Variants in TMC2 observed in about 807,000 individuals in gnomAD.
TMC2 encodes the protein transmembrane channel like 2.
Under a neutral mutation model 105.9 loss-of-function variants are expected in TMC2, and 102 were observed. The observed-to-expected ratio is 0.96, with a 90% CI of 0.82 to 1.14. The LOEUF is 1.14. Among genes scored for constraint, TMC2 ranks in the 50% most tolerant of loss-of-function variants. TMC2 has a pLI of 0.00. For missense variants in TMC2, 1,093 were observed against 1,134.3 expected, an observed-to-expected ratio of 0.96 and a Z score of 0.52; for synonymous variants, 402 against 422.8, an observed-to-expected ratio of 0.95 and a Z score of 0.60.
At chr20:2,580,439 G>T (rs1256152110) in intron 7 of TMC2, among the ~76,000 whole-genome samples, 1 of 152,032 alleles carries the variant, frequency 6.6e-6, no homozygotes, top group African/African-American at 2.4e-5. Flanking sequence ...TTTACCTTAA[G>T]ATCAGTGGAG....
At chr20:2,636,471 C>CAA (rs2086644564) in intron 18 of TMC2, among the ~76,000 whole-genome samples, 1 of 151,160 alleles carries the variant, frequency 6.6e-6, no homozygotes, top group Non-Finnish European at 1.5e-5. Context: ...CACACACACA[C>CAA]ACACACACAC....
chr20:2,583,269 G>A (rs575785793), intron 7 of TMC2, among the ~76,000 whole-genome samples: 19 of 152,278 alleles, frequency 1.2e-4, no homozygotes, highest in African/African-American at 4.6e-4. Context: ...GAATGGTTAG[G>A]TTATGAAAGA....
chr20:2,596,027 C>G (rs1259383886), intron 9 of TMC2, among the ~76,000 whole-genome samples: 1 of 152,144 alleles, frequency 6.6e-6, no homozygotes, highest in Non-Finnish European at 1.5e-5. Flanking sequence ...TTTCCCTGCT[C>G]TCACCCCAGA....
intron 4 of TMC2, among the ~76,000 whole-genome samples, chr20:2,569,639 C>A (rs1197255059): frequency 6.6e-6 from 1 of 152,144 alleles, no homozygotes; most frequent in Non-Finnish European, 1.5e-5. Flanking sequence ...ATTGCTATTG[C>A]AACAAATTAC....
At position 2,610,611 on chromosome 20, in the gene TMC2, A is replaced by T; in HGVS notation, c.1593+13A>T. The T allele has an allele frequency of 6.5e-7, 1 of 1,549,632 alleles. No homozygotes were observed. Among genetic ancestry groups the T allele is most frequent in the Non-Finnish European group, 8.8e-7 (1 of 1,141,744 alleles). On this transcript the variant is annotated intron_variant, in intron 12 of 19. Transcript: ENST00000358864. The stretch of plus-strand genomic sequence containing the variant: ...CGTCCACCTCAAGGTAAAAACCACA[A>T]CACCCCCCACCCCACTGCAATTCCT...
Position 2,558,913 on chromosome 20 carries a change from C to T in TMC2, c.401+139C>T, listed in dbSNP as rs1210083236. 1 of 843,446 alleles carries T rather than the reference C, an allele frequency of 1.2e-6. No individual in the cohort carries two copies. The highest frequency in any genetic ancestry group is 1.7e-5 in the African/African-American group (1 of 57,938). The allele number at this position is 843,446 out of a possible 1,614,324, so 52.2% of individuals were successfully genotyped here. ...TGCCCTCGCTCTGGCTTCCGTGCCT[C>T]CCAGCCCTTACCACTGCCCCACTCT... On this transcript the variant is annotated intron_variant, in intron 3 of 19. Coordinates refer to ENST00000358864, the MANE Select transcript of TMC2 (RefSeq NM_080751.3). This position sits in a 1 kb window ranked among gnomAD's most constrained non-coding sequence, Gnocchi z 4.6.
chr20:2,599,840 C>T (rs929662572), intron 10 of TMC2, among the ~76,000 whole-genome samples: 7 of 152,192 alleles, frequency 4.6e-5, no homozygotes, highest in East Asian at 1.9e-4. Context: ...ACTACAACTG[C>T]GCTTCGTTCT....
rs771415457 is a variant in TMC2 at position 2,602,223 on chromosome 20, G to T, written c.1335G>T (p.Gly445=). 8.1e-6 allele frequency: 13 copies of T among 1,613,534 alleles called. 1 individual carries two copies. The South Asian group carries it at 1.4e-4, about 18-fold the overall frequency. Residue 445 remains glycine, a synonymous_variant, in exon 11 of 20, where the codon GGG becomes GGT. Coordinates refer to ENST00000358864, the MANE Select transcript of TMC2 (RefSeq NM_080751.3). ...FLIICCLCGS[G]YLIYFVVKRS... ...TCATCTGCTGTTTGTGTGGAAGTGG[G>T]TACCTCATTTACTTTGTGGTTAAGC...
intron 7 of TMC2, among the ~76,000 whole-genome samples, chr20:2,590,070 C>T (rs912835407): frequency 9.9e-5 from 15 of 152,146 alleles, no homozygotes; most frequent in African/African-American, 2.4e-4. Flanking sequence ...TGCAATATTA[C>T]GTAACAGTGA....
At chr20:2,560,154 C>T (rs1048572663) in intron 3 of TMC2, among the ~76,000 whole-genome samples, 1 of 151,982 alleles carries the variant, frequency 6.6e-6, no homozygotes, top group Non-Finnish European at 1.5e-5. Flanking sequence ...CTTTGAATAA[C>T]AGGTGGAATC....
intron 10 of TMC2, among the ~76,000 whole-genome samples, chr20:2,599,432 A>G (rs2086333793): frequency 6.6e-6 from 1 of 152,060 alleles, no homozygotes; most frequent in South Asian, 2.1e-4. Context: ...GCTGGGAAGC[A>G]AATGAATGAA....
intron 5 of TMC2, among the ~76,000 whole-genome samples, chr20:2,574,201 AT>A (rs1316625538): frequency 6.6e-6 from 1 of 151,632 alleles, no homozygotes; most frequent in East Asian, 1.9e-4. Flanking sequence ...TATGTTATTA[AT>A]TTTTTTTTAT....
intron 4 of TMC2, among the ~76,000 whole-genome samples, chr20:2,566,487 G>T (rs2086065347): frequency 6.6e-6 from 1 of 152,114 alleles, no homozygotes; most frequent in African/African-American, 2.4e-5. Context: ...AGGGATATTT[G>T]CTTTAATCAT....
At chr20:2,579,384 T>TTTTATTTATTTATTTA (rs140358031) in intron 6 of TMC2, among the ~76,000 whole-genome samples, 157 bp downstream of exon 6, 1 of 147,186 alleles carries the variant, frequency 6.8e-6, no homozygotes, top group Non-Finnish European at 1.5e-5. Flanking sequence ...AAGATTTATT[T>TTTTATTTATTTATTTA]TTTATTTATT....
At chr20:2,583,107 T>A (rs2086206685) in intron 7 of TMC2, among the ~76,000 whole-genome samples, 1 of 152,168 alleles carries the variant, frequency 6.6e-6, no homozygotes, top group Non-Finnish European at 1.5e-5. Flanking sequence ...GAGGGTATGG[T>A]CTTGTTATCT....
At chr20:2,606,884 C>CTTTTTTTTTTTT (rs1276064402) in intron 11 of TMC2, among the ~76,000 whole-genome samples, 3 of 88,258 alleles carry the variant, frequency 3.4e-5, no homozygotes, top group African/African-American at 1.8e-4. Flanking sequence ...CCCTTAATTT[C>CTTTTTTTTTTTT]TTTTTTCTTT....
chr20:2,576,920 T>G (rs964467396), intron 5 of TMC2, among the ~76,000 whole-genome samples: 8 of 149,584 alleles, frequency 5.3e-5, no homozygotes, highest in African/African-American at 2.0e-4. Context: ...TTTGTTTTTT[T>G]TTTTTTGAGA....
chr20:2,538,579 C>T (rs1169733197), intron 2 of TMC2, among the ~76,000 whole-genome samples: 1 of 152,206 alleles, frequency 6.6e-6, no homozygotes, highest in Non-Finnish European at 1.5e-5. Flanking sequence ...CCTGGCCTCC[C>T]TCTGCCTCTG....
chr20:2,563,834 C>T (rs1017801694), intron 4 of TMC2, among the ~76,000 whole-genome samples: 10 of 152,108 alleles, frequency 6.6e-5, no homozygotes, highest in African/African-American at 1.9e-4. Flanking sequence ...TCAAGTGATC[C>T]GCCTGCCACA....
Sources: allele counts gnomAD v4.1 joint callset (sites outside exome capture counted in the v4.1 genomes callset), GRCh38; gene constraint gnomAD v4.1.1; non-coding constraint Gnocchi (gnomAD v3.1); transcripts MANE v1.5; gene names NCBI Gene and HGNC (gene_info 2026-07-23, HGNC 2026-07-21).